WWOX: variants seen among roughly 807,000 people sequenced by gnomAD.
WWOX encodes the protein WW domain containing oxidoreductase, also known as WW domain-containing oxidoreductase.
Under a neutral mutation model 46.2 loss-of-function variants are expected in WWOX, and 69 were observed. That is an observed-to-expected ratio of 1.49 (90% CI 1.23 to 1.82). The LOEUF (loss-of-function observed/expected upper bound fraction) is 1.82, where lower values mean the gene tolerates loss of function less well. Among genes scored for constraint, WWOX ranks in the 40% most tolerant of loss-of-function variants. The probability of loss-of-function intolerance (pLI) is 0.00; values close to 1 mark genes in which losing one functional copy is unlikely to be tolerated. For missense variants in WWOX, 919 were observed against 542.6 expected (o/e 1.69, Z -6.89); for synonymous variants, 359 against 202.6 (o/e 1.77, Z -6.56).
intron 2 of WWOX, among the ~76,000 whole-genome samples, chr16:78,109,215 G>A (rs1597208938): frequency 6.6e-6 from 1 of 152,178 alleles, no homozygotes; most frequent in African/African-American, 2.4e-5. Flanking sequence ...GGACAGGCAC[G>A]GTGGCTTGTG....
At chr16:78,286,068 T>C (rs916535701) in intron 5 of WWOX, among the ~76,000 whole-genome samples, 1 of 152,204 alleles carries the variant, frequency 6.6e-6, no homozygotes, top group Non-Finnish European at 1.5e-5. Context: ...TTCCCATCCA[T>C]GGTATTAATC....
intron 8 of WWOX, among the ~76,000 whole-genome samples, chr16:78,962,877 A>T (rs1007057376): frequency 6.6e-6 from 1 of 152,176 alleles, no homozygotes; most frequent in Non-Finnish European, 1.5e-5. Context: ...CTGAATTCAT[A>T]TAAATAGTCA....
intron 5 of WWOX, among the ~76,000 whole-genome samples, chr16:78,376,421 C>T (rs906162608): frequency 3.3e-5 from 5 of 152,116 alleles, no homozygotes; most frequent in African/African-American, 1.2e-4. Flanking sequence ...TGTCCCTGTT[C>T]TTATCTTGGG....
intron 8 of WWOX, among the ~76,000 whole-genome samples, chr16:78,998,816 C>T (rs181799669): frequency 1.2e-4 from 18 of 152,338 alleles, no homozygotes; most frequent in African/African-American, 4.3e-4. Flanking sequence ...AGGTGCATCT[C>T]TAAATTCTTT....
chr16:78,141,775 A>T (rs1039653136), intron 4 of WWOX, among the ~76,000 whole-genome samples: 1 of 152,110 alleles, frequency 6.6e-6, no homozygotes, highest in Non-Finnish European at 1.5e-5. Context: ...ATAGAAATTT[A>T]TCAGTGTGTA....
intron 8 of WWOX, among the ~76,000 whole-genome samples, chr16:79,025,953 C>G (rs912826874): frequency 6.7e-6 from 1 of 148,796 alleles, no homozygotes; most frequent in South Asian, 2.1e-4. Flanking sequence ...TGCCTATCAC[C>G]ACGCCGAGCT....
chr16:78,215,862 G>T lies in WWOX; in HGVS notation c.516+51573G>T, dbSNP rs372783467. 2.9e-3 allele frequency among the ~76,000 whole-genome samples: 435 copies of T among 151,562 alleles called. 3 individuals carry two copies. Among genetic ancestry groups the T allele is most frequent in the African/African-American group, 0.01 (422 of 41,244 alleles). Reference sequence around the variant, plus strand: ...AATCGCTTGAACCTGGAAGGTGGAGGTTTCAGTGAGCCGAGATCATGCCAC... The same window carrying T: ...AATCGCTTGAACCTGGAAGGTGGAGTTTTCAGTGAGCCGAGATCATGCCAC... On this transcript the variant is annotated intron_variant, in intron 5 of 8. Coordinates refer to ENST00000566780, the MANE Select transcript of WWOX (RefSeq NM_016373.4).
intron 8 of WWOX, among the ~76,000 whole-genome samples, chr16:78,454,730 C>G (rs1185213013): frequency 6.6e-6 from 1 of 152,162 alleles, no homozygotes; most frequent in Non-Finnish European, 1.5e-5. Flanking sequence ...CTCTCAACGT[C>G]AGGTGATCCA....
At chr16:78,139,416 C>G (rs890366520) in intron 4 of WWOX, among the ~76,000 whole-genome samples, 11 of 152,136 alleles carry the variant, frequency 7.2e-5, no homozygotes, top group Admixed American at 4.6e-4. Flanking sequence ...GAGGCCAAGG[C>G]AGGTGAATCA....
chr16:78,585,585 C>T (rs904029453), intron 8 of WWOX, among the ~76,000 whole-genome samples: 1 of 152,164 alleles, frequency 6.6e-6, no homozygotes, highest in Non-Finnish European at 1.5e-5. Flanking sequence ...TCCACCAGGA[C>T]CTCTTGACTC....
intron 4 of WWOX, among the ~76,000 whole-genome samples, chr16:78,129,542 A>G (rs1452008817): frequency 6.6e-6 from 1 of 152,050 alleles, no homozygotes; most frequent in Admixed American, 6.5e-5. Flanking sequence ...TGATTAAGGG[A>G]GGTGGACATT....
chr16:78,416,428 T>C (rs2082798731), intron 6 of WWOX, among the ~76,000 whole-genome samples: 1 of 152,240 alleles, frequency 6.6e-6, no homozygotes, highest in Non-Finnish European at 1.5e-5. Flanking sequence ...TTTTAATTAA[T>C]AGAGGTGACA....
intron 5 of WWOX, among the ~76,000 whole-genome samples, chr16:78,226,016 T>G (rs2037042732): frequency 6.6e-6 from 1 of 152,190 alleles, no homozygotes; most frequent in African/African-American, 2.4e-5. Flanking sequence ...CTTCTGCATC[T>G]TAAAAAAACA....
At chr16:78,986,431 C>G (rs1487129803) in intron 8 of WWOX, among the ~76,000 whole-genome samples, 1 of 152,190 alleles carries the variant, frequency 6.6e-6, no homozygotes, top group African/African-American at 2.4e-5. Flanking sequence ...TTTTTAGACT[C>G]CAGGCCCACA....
At chr16:78,951,096 A>G (rs913674952) in intron 8 of WWOX, among the ~76,000 whole-genome samples, 2 of 152,228 alleles carry the variant, frequency 1.3e-5, no homozygotes, top group African/African-American at 4.8e-5. Flanking sequence ...TTCCATTGCC[A>G]GTAACAAACA....
chr16:78,673,727 C>G (rs1276086924), intron 8 of WWOX, among the ~76,000 whole-genome samples: 1 of 152,194 alleles, frequency 6.6e-6, no homozygotes, highest in Non-Finnish European at 1.5e-5. Flanking sequence ...TTATGTAAAT[C>G]AGTTATTACT....
At chr16:79,197,297 G>A (rs1416390206) in intron 8 of WWOX, among the ~76,000 whole-genome samples, 1 of 152,152 alleles carries the variant, frequency 6.6e-6, no homozygotes, top group East Asian at 1.9e-4. Context: ...TCTTACAGCT[G>A]TATTCCACAG....
intron 8 of WWOX, among the ~76,000 whole-genome samples, chr16:79,169,464 G>T (rs2050658864): frequency 6.6e-6 from 1 of 152,164 alleles, no homozygotes; most frequent in African/African-American, 2.4e-5. Context: ...ACTATTCTTG[G>T]AATTCTTAAA....
chr16:78,999,536 A>T, intron 8 of WWOX, among the ~76,000 whole-genome samples: 1 of 152,194 alleles, frequency 6.6e-6, no homozygotes, highest in East Asian at 1.9e-4. Flanking sequence ...GCATGGAGGA[A>T]ATCTAGACAT....
Sources: gnomAD v4.1 joint callset for allele counts (sites outside exome capture counted in the v4.1 genomes callset) on GRCh38, gnomAD v4.1.1 for gene constraint, MANE v1.5 for transcripts, NCBI Gene and HGNC (gene_info 2026-07-23, HGNC 2026-07-21) for gene names.